Variants in ITGA1 observed in about 807,000 individuals in gnomAD.
ITGA1 encodes the protein integrin subunit alpha 1.
Under a neutral mutation model 145.9 loss-of-function variants are expected in ITGA1, and 85 were observed. That is an observed-to-expected ratio of 0.58 (90% CI 0.49 to 0.70). ITGA1 has a LOEUF of 0.70. Among genes scored for constraint, ITGA1 ranks in the 30% least tolerant of loss-of-function variants. ITGA1 has a pLI of 0.00. For missense variants in ITGA1, 1,351 were observed against 1,418.7 expected, an observed-to-expected ratio of 0.95 and a Z score of 0.77; for synonymous variants, 520 against 495.3, an observed-to-expected ratio of 1.05 and a Z score of -0.66.
At chr5:52,815,176 A>G (rs1309672693) in intron 1 of ITGA1, among the ~76,000 whole-genome samples, 1 of 152,188 alleles carries the variant, frequency 6.6e-6, no homozygotes, top group Non-Finnish European at 1.5e-5. Flanking sequence ...GGCCAAAAAC[A>G]TTTAATCAAA....
chr5:52,924,401 A>G (rs890675388), intron 18 of ITGA1, among the ~76,000 whole-genome samples: 1 of 151,992 alleles, frequency 6.6e-6, no homozygotes, highest in African/African-American at 2.4e-5. Context: ...AGCAGAGGGG[A>G]TGCTAAGTGT....
At chr5:52,856,178 T>C (rs964894643) in intron 2 of ITGA1, among the ~76,000 whole-genome samples, 2 of 152,176 alleles carry the variant, frequency 1.3e-5, no homozygotes, top group Non-Finnish European at 2.9e-5. Flanking sequence ...AAGCAAGCTT[T>C]ATTCTGAGTT....
At position 52,953,447 on chromosome 5, in the gene ITGA1, A is replaced by G; in HGVS notation, c.*996A>G. On this transcript the variant is annotated 3_prime_UTR_variant, in exon 29 of 29. Coordinates refer to ENST00000282588, the MANE Select transcript of ITGA1 (RefSeq NM_181501.2). Reference sequence around the variant, plus strand: ...GGTTCATTCAAACCCCCAAGCTGTGAGAGTGTGTTTATTTTTAATTTTTTA... The same window carrying G: ...GGTTCATTCAAACCCCCAAGCTGTGGGAGTGTGTTTATTTTTAATTTTTTA... The G allele has an allele frequency of 1.3e-5, 2 of 152,204 alleles. 1 individual carries two copies. The highest frequency in any genetic ancestry group is 4.1e-4 in the South Asian group (2 of 4,836). 9.4% of individuals were successfully genotyped at this position (152,204 alleles called of 1,614,324 possible). A position where few individuals can be genotyped will look rare whatever the true frequency, so the allele number is the denominator to read the frequency against.
At chr5:52,857,914 C>T (rs1490401201) in intron 2 of ITGA1, among the ~76,000 whole-genome samples, 1 of 152,118 alleles carries the variant, frequency 6.6e-6, no homozygotes, top group Non-Finnish European at 1.5e-5. Context: ...TTCTTTTCCC[C>T]ATCTCTATAC....
At chr5:52,922,588 C>T (rs1750747329) in intron 17 of ITGA1, among the ~76,000 whole-genome samples, 189 bp from the exon 18 acceptor site, 1 of 152,144 alleles carries the variant, frequency 6.6e-6, no homozygotes, top group African/African-American at 2.4e-5. Flanking sequence ...TCCACATTCC[C>T]CTATGCCCCT....
intron 11 of ITGA1, among the ~76,000 whole-genome samples, chr5:52,900,271 A>G (rs756297798): frequency 1.4e-4 from 21 of 152,214 alleles, no homozygotes; most frequent in Non-Finnish European, 2.5e-4. Flanking sequence ...GGCTTCTGTT[A>G]TATGTAGAAT....
intron 1 of ITGA1, among the ~76,000 whole-genome samples, chr5:52,847,792 T>A (rs1404333625): frequency 6.6e-6 from 1 of 152,216 alleles, no homozygotes; most frequent in Non-Finnish European, 1.5e-5. Flanking sequence ...TGACCTCAGG[T>A]GATCCACCCA....
At chr5:52,866,071 G>C (rs1485409980) in intron 6 of ITGA1, among the ~76,000 whole-genome samples, 1 of 151,842 alleles carries the variant, frequency 6.6e-6, no homozygotes, top group East Asian at 1.9e-4. Flanking sequence ...CTGGAGTGCA[G>C]TGGTGCAATC....
chr5:52,900,541 G>A (rs771468200), intron 11 of ITGA1, among the ~76,000 whole-genome samples: 1 of 152,058 alleles, frequency 6.6e-6, no homozygotes, highest in African/African-American at 2.4e-5. Context: ...AAATATGCAG[G>A]TAGTTAAGTA....
In ITGA1 at chr5:52,884,441, C is replaced by T. The variant is rs1750014781; in HGVS notation, c.773+2420C>T. Among the ~76,000 whole-genome samples the T allele has an allele frequency of 5.1e-5, 7 of 137,364 alleles. No homozygotes were observed. The South Asian group carries it at 1.8e-3, about 35-fold the overall frequency. 90.1% of individuals were successfully genotyped at this position (137,364 alleles called of 152,430 possible). The stretch of plus-strand genomic sequence containing the variant: ...CAGCCTGGGCAACAAGAGCAAAACT[C>T]TGCCTTAAAAAAAAAAAAAAAGCCA... On this transcript the variant is annotated intron_variant, in intron 7 of 28. Transcript: ENST00000282588.
At chr5:52,799,995 A>C (rs1248443330) in intron 1 of ITGA1, 1 of 260,968 alleles carries the variant, frequency 3.8e-6, no homozygotes, top group East Asian at 1.1e-4. Flanking sequence ...AGCGCCTCAC[A>C]GCTTAGTGCG....
Position 52,918,804 on chromosome 5 carries a change from C to G in ITGA1, c.2061C>G (p.Asn687Lys), listed in dbSNP as rs1750687952. ...EPNKVNIQKK[N>K]CHMEGKETVC... ...ATAAAGTGAATATTCAAAAGAAAAA[C>G]TGCCATATGGAGGGAAAGGAAACAG... Residue 687 changes from asparagine to lysine, a missense_variant, in exon 16 of 29, where the codon AAC (asparagine) becomes AAG (lysine). Transcript: ENST00000282588. 1 of 1,612,046 alleles carries G rather than the reference C, an allele frequency of 6.2e-7. No individual in the cohort carries two copies. The highest frequency in any genetic ancestry group is 1.1e-5 in the South Asian group (1 of 90,640).
chr5:52,824,941 A>T (rs1009938912), intron 1 of ITGA1: 2 of 152,200 alleles, frequency 1.3e-5, no homozygotes, highest in South Asian at 4.1e-4. Flanking sequence ...TATTTTTATT[A>T]TAGTAAAATA....
chr5:52,852,746 A>C (rs1165760409), intron 2 of ITGA1, among the ~76,000 whole-genome samples: 1 of 152,176 alleles, frequency 6.6e-6, no homozygotes, highest in Non-Finnish European at 1.5e-5. Flanking sequence ...TTTGCAGCCC[A>C]CTTGCAACCC....
chr5:52,909,401 G>C (rs958275900), intron 13 of ITGA1, among the ~76,000 whole-genome samples: 1 of 152,044 alleles, frequency 6.6e-6, no homozygotes, highest in Non-Finnish European at 1.5e-5. Flanking sequence ...AATCGGATAG[G>C]GTGGAGGGGG....
rs559532023 is a variant in ITGA1 at position 52,923,595 on chromosome 5, C to T, written c.2403+708C>T. ...TAGGAAAAAGCTTGAAACCCATGCA[C>T]ACATAACCCTAAATCAATTTAAAAT... On this transcript the variant is annotated intron_variant, in intron 18 of 28. Coordinates refer to ENST00000282588, the MANE Select transcript of ITGA1 (RefSeq NM_181501.2). Among the ~76,000 whole-genome samples, 6 of 152,184 alleles carry T rather than the reference C, an allele frequency of 3.9e-5. No individual in the cohort carries two copies. The South Asian group carries it at 1.2e-3, about 32-fold the overall frequency.
intron 1 of ITGA1, among the ~76,000 whole-genome samples, chr5:52,815,504 G>A (rs1748752339): frequency 6.6e-6 from 1 of 152,172 alleles, no homozygotes; most frequent in Non-Finnish European, 1.5e-5. Context: ...GCTTGGGCAG[G>A]AGAGATCTTT....
rs1750185032 is a variant in ITGA1, at chr5:52,893,744, A to G, written c.994A>G (p.Ser332Gly). The G allele has an allele frequency of 5.0e-6, 8 of 1,613,154 alleles. No homozygotes were observed. Among genetic ancestry groups the G allele is most frequent in the Non-Finnish European group, 6.8e-6 (8 of 1,179,320 alleles). The change falls in exon 9 of 29, where the codon AGT (serine) becomes GGT (glycine). Residue 332 changes from serine (S) to glycine (G), a missense_variant. By Grantham distance (56) the Ser-to-Gly change is moderately conservative (BLOSUM62 0). Coordinates refer to ENST00000282588, the MANE Select transcript of ITGA1 (RefSeq NM_181501.2). The stretch of plus-strand genomic sequence containing the variant: ...TGTGGAGGAAATAAAATCAATTGCA[A>G]GTGAACCCACTGAAAAGCATTTCTT... Reference protein sequence around the residue: ...KFVEEIKSIASEPTEKHFFNV... With the variant: ...KFVEEIKSIAGEPTEKHFFNV...
At chr5:52,874,607 C>T (rs1749837082) in intron 6 of ITGA1, among the ~76,000 whole-genome samples, 1 of 151,996 alleles carries the variant, frequency 6.6e-6, no homozygotes, top group Non-Finnish European at 1.5e-5. Context: ...CACTTTTCTC[C>T]CTCTTTCTTC....
Sources: gnomAD v4.1 joint callset for allele counts (sites outside exome capture counted in the v4.1 genomes callset) on GRCh38, gnomAD v4.1.1 for gene constraint, MANE v1.5 for transcripts, NCBI Gene and HGNC (gene_info 2026-07-23, HGNC 2026-07-21) for gene names.